Variants in SLC8A1 observed in about 807,000 individuals in gnomAD.
The protein encoded by SLC8A1 is solute carrier family 8 member A1.
Under a neutral mutation model 68.3 loss-of-function variants are expected in SLC8A1, and 18 were observed. The observed-to-expected ratio is 0.26, with a 90% CI of 0.18 to 0.39. The LOEUF is 0.39. Ranked by LOEUF, SLC8A1 falls within the 10% of genes least tolerant of loss-of-function variation. The pLI is 1.00. For missense variants in SLC8A1, 985 were observed against 1,156.7 expected (o/e 0.85, Z 2.15); for synonymous variants, 475 against 415.5 (o/e 1.14, Z -1.74).
In SLC8A1 at chr2:40,174,727, T is replaced by C. The variant is rs2048166709; in HGVS notation, c.1930+98A>G. Reference sequence around the variant, plus strand: ...TTACCAAACAGGTATTTTCCTTCATTAAAAGCAAATAAAAATGAGAAATTT... The same window carrying C: ...TTACCAAACAGGTATTTTCCTTCATCAAAAGCAAATAAAAATGAGAAATTT... On this transcript the variant is annotated intron_variant, in intron 4 of 7. Coordinates refer to ENST00000406785, the Ensembl canonical transcript of SLC8A1. 6.5e-7 allele frequency: 1 copy of C among 1,548,828 alleles called. No individual in the cohort carries two copies. Among genetic ancestry groups the C allele is most frequent in the South Asian group, 1.2e-5 (1 of 86,476 alleles).
At chr2:40,501,830 T>A (rs1706077314) in intron 1 of SLC8A1, among the ~76,000 whole-genome samples, 1 of 152,020 alleles carries the variant, frequency 6.6e-6, no homozygotes, top group Non-Finnish European at 1.5e-5. Flanking sequence ...CAAGAATATG[T>A]CATCTCCCTG....
In SLC8A1 at chr2:40,306,141, G is replaced by A. The variant is rs549425933; in HGVS notation, c.1808+122332C>T. Among the ~76,000 whole-genome samples the A allele has an allele frequency of 1.3e-4, 20 of 152,332 alleles. No homozygotes were observed. The South Asian group carries it at 4.1e-3, about 32-fold the overall frequency. On this transcript the variant is annotated intron_variant, in intron 2 of 7. Coordinates refer to ENST00000406785, the Ensembl canonical transcript of SLC8A1. ...CATACATAGAAAGGCAAACCAGTAA[G>A]CAGATAAGCTTGGGGAACCCAAATA... is the stretch of plus-strand genomic sequence containing the variant.
At chr2:40,426,842 CAT>C (rs1039107942) in intron 2 of SLC8A1, among the ~76,000 whole-genome samples, 1 of 151,764 alleles carries the variant, frequency 6.6e-6, no homozygotes, top group African/African-American at 2.4e-5. Flanking sequence ...GATTAGAAAA[CAT>C]AATCATTAGG....
chr2:40,382,011 G>A (rs1681980809), intron 2 of SLC8A1, among the ~76,000 whole-genome samples: 1 of 151,984 alleles, frequency 6.6e-6, no homozygotes, highest in African/African-American at 2.4e-5. Context: ...ACCCAATAAA[G>A]CCTTCTTCCC....
intron 2 of SLC8A1, among the ~76,000 whole-genome samples, chr2:40,406,741 G>A (rs1309516415): frequency 6.6e-6 from 1 of 152,170 alleles, no homozygotes; most frequent in Non-Finnish European, 1.5e-5. Context: ...TTCGATCTAA[G>A]CCTACAATCT....
intron 2 of SLC8A1, chr2:40,189,810 T>C (rs973087410): frequency 6.6e-6 from 1 of 152,190 alleles, no homozygotes; most frequent in African/African-American, 2.4e-5. Context: ...GGCTTAGCTC[T>C]TTTAGAGGCC....
At chr2:40,311,533 T>C (rs1382724392) in intron 2 of SLC8A1, among the ~76,000 whole-genome samples, 1 of 152,118 alleles carries the variant, frequency 6.6e-6, no homozygotes, top group African/African-American at 2.4e-5. Flanking sequence ...ATAAAAACTA[T>C]AGAAGAACAT....
At chr2:40,176,679 T>C (rs1295005038) in intron 3 of SLC8A1, among the ~76,000 whole-genome samples, 1 of 152,166 alleles carries the variant, frequency 6.6e-6, no homozygotes, top group Non-Finnish European at 1.5e-5. Context: ...TGGGATAAAT[T>C]TTCCTATGTG....
intron 2 of SLC8A1, among the ~76,000 whole-genome samples, chr2:40,266,914 G>A (rs2065428184): frequency 6.6e-6 from 1 of 152,160 alleles, no homozygotes; most frequent in Non-Finnish European, 1.5e-5. Flanking sequence ...GTATGACTGA[G>A]GATGAAACAT....
At chr2:40,316,163 C>T (rs1665540395) in intron 2 of SLC8A1, among the ~76,000 whole-genome samples, 1 of 152,030 alleles carries the variant, frequency 6.6e-6, no homozygotes, top group African/African-American at 2.4e-5. Context: ...TGGTTGTGAT[C>T]ATGATCAGTA....
intron 1 of SLC8A1, among the ~76,000 whole-genome samples, chr2:40,430,580 A>G (rs1387877625): frequency 6.6e-6 from 1 of 152,218 alleles, no homozygotes; most frequent in Non-Finnish European, 1.5e-5. Context: ...TGAGCAAGAT[A>G]CACAATTGAC....
At chr2:40,243,452 C>T (rs1346044314) in intron 2 of SLC8A1, among the ~76,000 whole-genome samples, 2 of 152,080 alleles carry the variant, frequency 1.3e-5, no homozygotes, top group Non-Finnish European at 2.9e-5. Flanking sequence ...CACTGTACTC[C>T]AACCTTGGTG....
chr2:40,214,746 T>A (rs1381510224), intron 2 of SLC8A1, among the ~76,000 whole-genome samples: 1 of 152,124 alleles, frequency 6.6e-6, no homozygotes, highest in Non-Finnish European at 1.5e-5. Context: ...CCTGTTTGTT[T>A]GTATATTATC....
chr2:40,216,791 T>C (rs951373409), intron 2 of SLC8A1, among the ~76,000 whole-genome samples: 3 of 152,242 alleles, frequency 2.0e-5, no homozygotes, highest in Non-Finnish European at 4.4e-5. Context: ...GTTGGCTGCA[T>C]GAATGTCTTC....
chr2:40,404,196 A>G (rs1045176929), intron 2 of SLC8A1, among the ~76,000 whole-genome samples: 4 of 152,176 alleles, frequency 2.6e-5, no homozygotes, highest in African/African-American at 9.6e-5. Context: ...CACCCAGCCT[A>G]GCATAATTCT....
intron 2 of SLC8A1, among the ~76,000 whole-genome samples, chr2:40,230,664 G>A: frequency 6.6e-6 from 1 of 152,258 alleles, no homozygotes; most frequent in Middle Eastern, 3.4e-3. Context: ...TAGAATTAAT[G>A]AACATATATG....
chr2:40,312,703 A>T (rs2073891858), intron 2 of SLC8A1, among the ~76,000 whole-genome samples: 1 of 152,168 alleles, frequency 6.6e-6, no homozygotes, highest in Non-Finnish European at 1.5e-5. Flanking sequence ...CAAGTTAATC[A>T]CATAAATAGA....
At chr2:40,443,131 C>T (rs1700814022) in intron 1 of SLC8A1, among the ~76,000 whole-genome samples, 1 of 152,092 alleles carries the variant, frequency 6.6e-6, no homozygotes, top group Non-Finnish European at 1.5e-5. Context: ...GGAGGGAGAA[C>T]ATTAGGACAA....
At chr2:40,247,410 G>A (rs894186133) in intron 2 of SLC8A1, among the ~76,000 whole-genome samples, 4 of 149,696 alleles carry the variant, frequency 2.7e-5, no homozygotes, top group Non-Finnish European at 5.9e-5. Flanking sequence ...CCTTAGCAAA[G>A]CAACTTTAGA....
Sources: allele counts gnomAD v4.1 joint callset (sites outside exome capture counted in the v4.1 genomes callset), GRCh38; gene constraint gnomAD v4.1.1; transcripts MANE v1.5; gene names NCBI Gene and HGNC (gene_info 2026-07-23, HGNC 2026-07-21).